Variants in PHACTR1 observed in about 807,000 individuals in gnomAD.
PHACTR1 encodes the protein phosphatase and actin regulator 1, also known as RPEL repeat containing 1.
A neutral mutation model predicts 69.2 loss-of-function variants in PHACTR1; 16 were observed. That is an observed-to-expected ratio of 0.23 (90% CI 0.16 to 0.35). The LOEUF is 0.35. PHACTR1 is among the 10% of genes least tolerant of loss of function. The pLI is 1.00. For missense variants in PHACTR1, 510 were observed against 734.7 expected (o/e 0.69, Z 3.54); for synonymous variants, 312 against 284.5 (o/e 1.10, Z -0.97).
intron 4 of PHACTR1, among the ~76,000 whole-genome samples, chr6:12,768,122 T>C (rs1414473200): frequency 6.8e-6 from 1 of 146,236 alleles, no homozygotes; most frequent in African/African-American, 2.5e-5. Context: ...TTTTTTTTTT[T>C]TTTTTTTTTT....
At chr6:13,075,456 C>T (rs1288159823) in intron 5 of PHACTR1, among the ~76,000 whole-genome samples, 2 of 152,128 alleles carry the variant, frequency 1.3e-5, no homozygotes, top group African/African-American at 4.8e-5. Flanking sequence ...GACCCTGGTA[C>T]TGTTGCTTGT....
In PHACTR1 at chr6:13,278,410, G is replaced by A. The variant is rs562045640; in HGVS notation, c.1509+81G>A. ...ACCTCTGCCCTCTGCTGGCCTCAGT[G>A]GCCTCACCGCTGCCTGGTTCCTCTC... On this transcript the variant is annotated intron_variant, in intron 12 of 14. Transcript: ENST00000332995. 11 of 1,336,978 alleles carry A rather than the reference G, an allele frequency of 8.2e-6. No individual in the cohort carries two copies. The African/African-American group carries it at 1.3e-4, about 16-fold the overall frequency. 82.8% of individuals were successfully genotyped at this position (1,336,978 alleles called of 1,614,324 possible).
At chr6:13,203,807 G>A (rs1257442359) in intron 7 of PHACTR1, among the ~76,000 whole-genome samples, 1 of 152,180 alleles carries the variant, frequency 6.6e-6, no homozygotes, top group Non-Finnish European at 1.5e-5. Context: ...GTAATGGTGA[G>A]AAAAGTGGGC....
At chr6:12,787,454 T>C (rs1771679273) in intron 4 of PHACTR1, among the ~76,000 whole-genome samples, 1 of 152,234 alleles carries the variant, frequency 6.6e-6, no homozygotes, top group South Asian at 2.1e-4. Flanking sequence ...GCAAATCTTA[T>C]ATCTTCGAGG....
intron 4 of PHACTR1, among the ~76,000 whole-genome samples, chr6:12,860,030 T>G (rs1212470736): frequency 2.0e-5 from 3 of 152,030 alleles, no homozygotes; most frequent in African/African-American, 7.3e-5. Flanking sequence ...ATTATTAAGT[T>G]CTGGGATACA....
At chr6:13,180,946 A>G (rs1762098260) in intron 6 of PHACTR1, among the ~76,000 whole-genome samples, 1 of 152,142 alleles carries the variant, frequency 6.6e-6, no homozygotes, top group African/African-American at 2.4e-5. Flanking sequence ...GATCCCAATT[A>G]TAATAACTTT....
At chr6:13,040,654 C>T (rs994313600) in intron 4 of PHACTR1, among the ~76,000 whole-genome samples, 44 of 152,206 alleles carry the variant, frequency 2.9e-4, no homozygotes, top group African/African-American at 9.6e-4. Flanking sequence ...CCACCACCCT[C>T]GTGTGAGATT....
At chr6:12,814,938 A>T (rs1337582705) in intron 4 of PHACTR1, among the ~76,000 whole-genome samples, 1 of 152,194 alleles carries the variant, frequency 6.6e-6, no homozygotes, top group Non-Finnish European at 1.5e-5. Context: ...AATTGAGCAC[A>T]GTTGCAAATT....
At chr6:12,787,356 C>T (rs922257305) in intron 4 of PHACTR1, among the ~76,000 whole-genome samples, 2 of 152,180 alleles carry the variant, frequency 1.3e-5, no homozygotes, top group Non-Finnish European at 2.9e-5. Context: ...CACAGTTAAA[C>T]CCTATCCATA....
In PHACTR1 at chr6:12,797,040, T is replaced by TGTGTGTGTGTGTGTGAGA. The variant is rs563796658; in HGVS notation, c.250+47251_250+47252insTGTGTGTGTGTGTGAGAG. ...GTGTGTGTGTGTGTGTGTGTGTGTG[T>TGTGTGTGTGTGTGTGAGA]GAGAGAGAGAGAGAGAGGGATATGA... On this transcript the variant is annotated intron_variant, in intron 4 of 14. Transcript: ENST00000332995. 3.4e-3 allele frequency among the ~76,000 whole-genome samples: 453 copies of TGTGTGTGTGTGTGTGAGA among 133,366 alleles called. 4 individuals carry two copies. The highest frequency in any genetic ancestry group is 8.1e-3 in the African/African-American group (288 of 35,746). The allele number at this position is 133,366 out of a possible 152,430, so 87.5% of individuals were successfully genotyped here.
intron 5 of PHACTR1, among the ~76,000 whole-genome samples, chr6:13,122,162 G>A (rs949320769): frequency 6.6e-6 from 1 of 152,150 alleles, no homozygotes; most frequent in Non-Finnish European, 1.5e-5. Flanking sequence ...TTTCCAAATG[G>A]TAGGCAATCC....
intron 6 of PHACTR1, among the ~76,000 whole-genome samples, chr6:13,162,994 C>T (rs186529939): frequency 7.2e-5 from 11 of 152,308 alleles, no homozygotes; most frequent in Admixed American, 3.9e-4. Context: ...GCCTGTAATC[C>T]CAGCACTTTG....
At chr6:13,221,440 G>C (rs1217149996) in intron 8 of PHACTR1, among the ~76,000 whole-genome samples, 1 of 151,862 alleles carries the variant, frequency 6.6e-6, no homozygotes, top group East Asian at 1.9e-4. Flanking sequence ...TGGGTGGGGA[G>C]GGGGAGGGTC....
intron 4 of PHACTR1, among the ~76,000 whole-genome samples, chr6:12,800,211 A>T (rs16873383): frequency 0.37 from 56,476 of 152,030 alleles, 11,293 homozygotes; most frequent in African/African-American, 0.5. Context: ...ATGTTTAGTC[A>T]TTTCTTTGGT....
chr6:12,804,035 A>T (rs1774009535), intron 4 of PHACTR1, among the ~76,000 whole-genome samples: 1 of 152,250 alleles, frequency 6.6e-6, no homozygotes, highest in African/African-American at 2.4e-5. Flanking sequence ...AAGGCCATGC[A>T]TAGAGAGAAA....
At position 13,022,851 on chromosome 6, in the gene PHACTR1, T is replaced by C. The variant is rs903345287; in HGVS notation, c.251-30514T>C. On this transcript the variant is annotated intron_variant, in intron 4 of 14. Coordinates refer to ENST00000332995, the MANE Select transcript of PHACTR1 (RefSeq NM_030948.6). ...GGGCAACATGGCGAAACCCCGTCTCTACAAAAAGTACTAAAATTAGCCAGG... is the reference window on the plus strand; with the variant it reads ...GGGCAACATGGCGAAACCCCGTCTCCACAAAAAGTACTAAAATTAGCCAGG... Among the ~76,000 whole-genome samples the C allele has an allele frequency of 4.0e-5, 6 of 151,868 alleles. 1 individual carries two copies. The highest frequency in any genetic ancestry group is 1.2e-4 in the African/African-American group (5 of 41,342).
chr6:12,780,457 A>C (rs1023640911), intron 4 of PHACTR1, among the ~76,000 whole-genome samples: 38 of 152,344 alleles, frequency 2.5e-4, no homozygotes, highest in African/African-American at 8.4e-4. Context: ...AACTTCATAC[A>C]CAGCAAAATT....
At chr6:13,232,605 G>C (rs188309847) in intron 10 of PHACTR1, among the ~76,000 whole-genome samples, 5 of 152,104 alleles carry the variant, frequency 3.3e-5, no homozygotes, top group Admixed American at 2.6e-4. Flanking sequence ...ACTGAAATCT[G>C]TCCATGCCAC....
Position 13,044,395 on chromosome 6 carries a change from A to T in PHACTR1, c.251-8970A>T, listed in dbSNP as rs1307334706. On this transcript the variant is annotated intron_variant, in intron 4 of 14. Coordinates refer to ENST00000332995, the MANE Select transcript of PHACTR1 (RefSeq NM_030948.6). ...AGGCTTAGAGCCTATGTAATCTGCA[A>T]TCCCAGTTGAAAGAGCATGTTTATC... 2.0e-5 allele frequency among the ~76,000 whole-genome samples: 3 copies of T among 152,190 alleles called. No homozygotes were observed. In the East Asian group the frequency reaches 5.8e-4, roughly 29 times the overall value.
Sources: gnomAD v4.1 joint callset for allele counts (sites outside exome capture counted in the v4.1 genomes callset) on GRCh38, gnomAD v4.1.1 for gene constraint, MANE v1.5 for transcripts, NCBI Gene and HGNC (gene_info 2026-07-23, HGNC 2026-07-21) for gene names.